DPCD: variants seen among roughly 807,000 people sequenced by gnomAD.
DPCD encodes the protein protein DPCD.
In DPCD, 20 loss-of-function variants were observed where a neutral mutation model predicts 26.4. The observed-to-expected ratio is 0.76, with a 90% confidence interval of 0.53 to 1.10. The LOEUF (loss-of-function observed/expected upper bound fraction) is 1.10. Among genes scored for constraint, DPCD ranks in the 50% least tolerant of loss-of-function variants. The pLI is 0.00. For missense variants in DPCD, 202 were observed against 253.9 expected (o/e 0.80, Z 1.39); for synonymous variants, 97 against 94.2 (o/e 1.03, Z -0.17).
intron 1 of DPCD, 51 bp downstream of exon 1, chr10:101,588,451 G>A (rs1300566921): frequency 5.1e-6 from 8 of 1,553,870 alleles, no homozygotes; most frequent in South Asian, 2.4e-5. Flanking sequence ...TCAGGGTCCG[G>A]CCCTCCGGGA....
chr10:101,604,335 G>T (rs547178370), intron 4 of DPCD, among the ~76,000 whole-genome samples: 1 of 152,310 alleles, frequency 6.6e-6, no homozygotes, highest in South Asian at 2.1e-4. Context: ...CTTCAGAAAT[G>T]CACATCATGG....
intron 4 of DPCD, chr10:101,605,293 G>A: frequency 6.5e-7 from 1 of 1,527,286 alleles, no homozygotes; most frequent in South Asian, 1.2e-5. Context: ...TCCCTCTGAG[G>A]GCCTGGCCTC....
intron 4 of DPCD, chr10:101,605,337 G>C: frequency 7.1e-7 from 1 of 1,411,358 alleles, no homozygotes; most frequent in Non-Finnish European, 9.4e-7. Flanking sequence ...CTGGATTGGG[G>C]AGGGGATACA....
At chr10:101,608,191 T>C (rs922173683) in intron 4 of DPCD, among the ~76,000 whole-genome samples, 1 of 151,384 alleles carries the variant, frequency 6.6e-6, no homozygotes, top group African/African-American at 2.4e-5. Flanking sequence ...AATGGAGGAG[T>C]AGGGACTTGG....
intron 2 of DPCD, among the ~76,000 whole-genome samples, chr10:101,599,070 A>G (rs1024317654): frequency 1.3e-5 from 2 of 152,242 alleles, no homozygotes; most frequent in Non-Finnish European, 2.9e-5. Context: ...ACTGCCGTCC[A>G]GTGTGAGTTG....
chr10:101,589,333 TAAG>T (rs778627017), intron 1 of DPCD, among the ~76,000 whole-genome samples: 5 of 152,226 alleles, frequency 3.3e-5, no homozygotes, highest in Non-Finnish European at 5.9e-5. Context: ...ACTTAAATAA[TAAG>T]AAGCGTTAAA....
intron 5 of DPCD, 41 bp downstream of exon 5, chr10:101,608,978 A>C (rs1224610143): frequency 7.3e-6 from 11 of 1,501,084 alleles, no homozygotes; most frequent in Non-Finnish European, 1.0e-5. Flanking sequence ...CATCAGGGAG[A>C]GTCTTCCTCT....
At chr10:101,605,802 G>C (rs2063729706) in intron 4 of DPCD, among the ~76,000 whole-genome samples, 1 of 152,218 alleles carries the variant, frequency 6.6e-6, no homozygotes, top group Admixed American at 6.5e-5. Flanking sequence ...TGGTGAGAAT[G>C]TGGAGACATG....
chr10:101,600,589 A>T lies in DPCD; in HGVS notation c.146-149A>T, dbSNP rs1001588288. ...GTGAGGTCCCTCCTTAGATTAACAA[A>T]GCTGAGAGTAAAGGCCCAACACTCC... On this transcript the variant is annotated intron_variant, in intron 2 of 5. Transcript: ENST00000370151. This position sits in a 1 kb window ranked among gnomAD's most constrained non-coding sequence, Gnocchi z 4.7. 8.1e-7 allele frequency: 1 copy of T among 1,231,102 alleles called. No homozygotes were observed. The highest frequency in any genetic ancestry group is 1.1e-6 in the Non-Finnish European group (1 of 899,388). 76.3% of individuals were successfully genotyped at this position (1,231,102 alleles called of 1,614,324 possible).
intron 4 of DPCD, among the ~76,000 whole-genome samples, 176 bp from the exon 5 acceptor site, chr10:101,608,659 G>A (rs2063748986): frequency 6.6e-6 from 1 of 152,152 alleles, no homozygotes; most frequent in African/African-American, 2.4e-5. Flanking sequence ...TGCATTCTAT[G>A]CTTTCCAGGG....
Position 101,594,674 on chromosome 10 carries a change from C to A in DPCD, c.81C>A (p.His27Gln). The A allele has an allele frequency of 6.2e-7, 1 of 1,614,192 alleles. No homozygotes were observed. The highest frequency in any genetic ancestry group is 1.1e-5 in the South Asian group (1 of 91,080). Reference protein sequence around the residue: ...ALLQDGRRKVHYLFPDGKEMA... With the variant: ...ALLQDGRRKVQYLFPDGKEMA... Reference sequence around the variant, plus strand: ...TGTGCATAGGGAGAAGGAAGGTTCACTATTTATTCCCAGACGGCAAGGAAA... The same window carrying A: ...TGTGCATAGGGAGAAGGAAGGTTCAATATTTATTCCCAGACGGCAAGGAAA... The change falls in exon 2 of 6, where the codon CAC (histidine) becomes CAA (glutamine). Residue 27 changes from histidine to glutamine, a missense_variant. Coordinates refer to ENST00000370151, the MANE Select transcript of DPCD (RefSeq NM_015448.3).
chr10:101,608,797 T>G (rs1414889568), intron 4 of DPCD, 38 bp from the exon 5 acceptor site: 1 of 1,478,118 alleles, frequency 6.8e-7, no homozygotes. Context: ...TTGGGTCACC[T>G]TGCCGAGTGC....
At chr10:101,607,059 C>T (rs1401820539) in intron 4 of DPCD, among the ~76,000 whole-genome samples, 3 of 152,224 alleles carry the variant, frequency 2.0e-5, no homozygotes. Context: ...TCCCTCTGAT[C>T]CTGTCCTTGC....
chr10:101,602,239 T>C (rs757269854), intron 4 of DPCD, among the ~76,000 whole-genome samples: 2 of 152,224 alleles, frequency 1.3e-5, no homozygotes, highest in Non-Finnish European at 2.9e-5. Context: ...CCCCCACCCA[T>C]CTCTTGCTTT....
At chr10:101,604,523 C>A (rs1156511761) in intron 4 of DPCD, among the ~76,000 whole-genome samples, 2 of 152,118 alleles carry the variant, frequency 1.3e-5, no homozygotes, top group Non-Finnish European at 2.9e-5. Context: ...TGTATCATGT[C>A]CTTGGCCTCA....
chr10:101,591,137 G>A (rs1265785055), intron 1 of DPCD, among the ~76,000 whole-genome samples: 1 of 152,194 alleles, frequency 6.6e-6, no homozygotes, highest in Non-Finnish European at 1.5e-5. Flanking sequence ...GGATATTGTA[G>A]CATGTGTCAA....
chr10:101,609,567 C>A lies in DPCD; in HGVS notation c.*96C>A. Reference sequence around the variant, plus strand: ...ACGGCAGCCTCCTGTCTTCTAGGAGCTATCAAGGGTCTCTAAGAACTGGGC... The same window carrying A: ...ACGGCAGCCTCCTGTCTTCTAGGAGATATCAAGGGTCTCTAAGAACTGGGC... On this transcript the variant is annotated 3_prime_UTR_variant, in exon 6 of 6. Transcript: ENST00000370151. The A allele has an allele frequency of 9.4e-7, 1 of 1,063,544 alleles. No individual in the cohort carries two copies. Among genetic ancestry groups the A allele is most frequent in the Non-Finnish European group, 1.4e-6 (1 of 719,854 alleles). 65.9% of individuals were successfully genotyped at this position (1,063,544 alleles called of 1,614,324 possible). A position where few individuals can be genotyped will look rare whatever the true frequency, so the allele number is the denominator to read the frequency against.
chr10:101,608,949 C>T lies in DPCD; in HGVS notation c.507+12C>T, dbSNP rs558583763. On this transcript the variant is annotated intron_variant, in intron 5 of 5. Transcript: ENST00000370151. Reference sequence around the variant, plus strand: ...CCCTGATCATCTCTGTAAGATTCACCCAGACTTCTTGGACACTGCATCAGG... The same window carrying T: ...CCCTGATCATCTCTGTAAGATTCACTCAGACTTCTTGGACACTGCATCAGG... The T allele has an allele frequency of 7.6e-5, 122 of 1,601,558 alleles. No homozygotes were observed. The South Asian group carries it at 1.2e-3, about 16-fold the overall frequency.
At chr10:101,589,853 C>T (rs1214572125) in intron 1 of DPCD, among the ~76,000 whole-genome samples, 1 of 152,122 alleles carries the variant, frequency 6.6e-6, no homozygotes, top group Non-Finnish European at 1.5e-5. Context: ...CACTGCATTC[C>T]AGCCTGGGTG....
Sources: allele counts gnomAD v4.1 joint callset (sites outside exome capture counted in the v4.1 genomes callset), GRCh38; gene constraint gnomAD v4.1.1; non-coding constraint Gnocchi (gnomAD v3.1); transcripts MANE v1.5; gene names NCBI Gene and HGNC (gene_info 2026-07-23, HGNC 2026-07-21).